Variants in FKBP9 observed in about 807,000 individuals in gnomAD.
The protein encoded by FKBP9 is peptidyl-prolyl cis-trans isomerase FKBP9.
FKBP9 carries 27 observed loss-of-function variants against 55.6 expected under a neutral mutation model. That is an observed-to-expected ratio of 0.49 (90% confidence interval 0.36 to 0.67). FKBP9 has a LOEUF of 0.67. Ranked by LOEUF, FKBP9 falls within the 30% of genes least tolerant of loss-of-function variation. FKBP9 has a pLI of 0.00. For missense variants in FKBP9, 539 were observed against 742.8 expected, an observed-to-expected ratio of 0.73 and a Z score of 3.19; for synonymous variants, 267 against 296.5, an observed-to-expected ratio of 0.90 and a Z score of 1.02.
At chr7:32,961,680 A>G (rs1784027537) in intron 1 of FKBP9, among the ~76,000 whole-genome samples, 1 of 152,060 alleles carries the variant, frequency 6.6e-6, no homozygotes, top group Admixed American at 6.6e-5. Context: ...CTGTATTTAC[A>G]GTGTCTCCGC....
In FKBP9 at chr7:32,975,312, T is replaced by G. The variant is rs1784336640; in HGVS notation, c.498T>G (p.Ser166=). 4 of 1,613,902 alleles carry G rather than the reference T, an allele frequency of 2.5e-6. No individual in the cohort carries two copies. Among genetic ancestry groups the G allele is most frequent in the Non-Finnish European group, 3.4e-6 (4 of 1,179,844 alleles). Residue 166 remains serine (S), a synonymous_variant, in exon 3 of 10, where the codon TCT becomes TCG. Transcript: ENST00000242209. ...PPSCPRTIQV[S]DFVRYHYNGT... Reference sequence around the variant, plus strand: ...GTTGCCCTCGGACCATCCAGGTGTCTGATTTTGTGAGGTACCACTACAACG... The same window carrying G: ...GTTGCCCTCGGACCATCCAGGTGTCGGATTTTGTGAGGTACCACTACAACG...
chr7:32,989,543 G>A (rs997107902), intron 6 of FKBP9, among the ~76,000 whole-genome samples: 9 of 151,876 alleles, frequency 5.9e-5, no homozygotes, highest in Non-Finnish European at 1.2e-4. Context: ...AGCCTCCCAA[G>A]TAGCTGGGAC....
At chr7:32,991,497 GTCT>G (rs767764668) in intron 6 of FKBP9, among the ~76,000 whole-genome samples, 2 of 152,232 alleles carry the variant, frequency 1.3e-5, no homozygotes, top group African/African-American at 2.4e-5. Context: ...TGCTGAAACT[GTCT>G]TCTTAGTGGC....
chr7:32,980,691 T>C (rs1406297280), intron 5 of FKBP9, 138 bp downstream of exon 5: 4 of 1,352,822 alleles, frequency 3.0e-6, no homozygotes, highest in Non-Finnish European at 4.0e-6. Context: ...GTTTCTGTTT[T>C]CTGATACTTA....
At chr7:32,959,393 C>T (rs968321421) in intron 1 of FKBP9, among the ~76,000 whole-genome samples, 6 of 152,242 alleles carry the variant, frequency 3.9e-5, no homozygotes, top group African/African-American at 1.4e-4. Context: ...GACAGGGAGA[C>T]TCCGTCTCAA....
intron 5 of FKBP9, among the ~76,000 whole-genome samples, chr7:32,988,179 G>A (rs1784611930): frequency 6.6e-6 from 1 of 152,146 alleles, no homozygotes; most frequent in Admixed American, 6.5e-5. Flanking sequence ...GTGAGACCTT[G>A]CCTCAGAAAA....
chr7:32,957,717 G>T lies in FKBP9; in HGVS notation c.144G>T (p.Pro48=). ...IERRFVPDEC[P]RTVRSGDFVR... Reference sequence around the variant, plus strand: ...GGCGCTTCGTGCCCGACGAGTGCCCGCGCACCGTGCGCAGCGGCGACTTCG... The same window carrying T: ...GGCGCTTCGTGCCCGACGAGTGCCCTCGCACCGTGCGCAGCGGCGACTTCG... Residue 48 remains proline, a synonymous_variant, in exon 1 of 10, where the codon CCG becomes CCT. Transcript: ENST00000242209. 3 of 1,528,478 alleles carry T rather than the reference G, an allele frequency of 2.0e-6. No homozygotes were observed. Among genetic ancestry groups the T allele is most frequent in the Non-Finnish European group, 1.7e-6 (2 of 1,143,732 alleles). 94.7% of individuals were successfully genotyped at this position (1,528,478 alleles called of 1,614,324 possible). A position where few individuals can be genotyped will look rare whatever the true frequency, so the allele number is the denominator to read the frequency against.
At chr7:32,994,718 TA>T (rs1449128799) in intron 6 of FKBP9, among the ~76,000 whole-genome samples, 1 of 151,808 alleles carries the variant, frequency 6.6e-6, no homozygotes. Context: ...CTCAGGATTT[TA>T]ATGAGAATTA....
chr7:32,984,862 TG>T (rs1166723252), intron 5 of FKBP9, among the ~76,000 whole-genome samples: 3 of 152,214 alleles, frequency 2.0e-5, no homozygotes. Context: ...AGGTGATTTT[TG>T]TTATGAACTA....
At chr7:33,003,449 G>C (rs1263911513) in intron 9 of FKBP9, among the ~76,000 whole-genome samples, 1 of 152,130 alleles carries the variant, frequency 6.6e-6, no homozygotes, top group East Asian at 1.9e-4. Context: ...GGATGTGTCT[G>C]TTTCTTTCAT....
chr7:32,977,098 T>TA (rs1784376642), intron 4 of FKBP9, among the ~76,000 whole-genome samples: 1 of 152,254 alleles, frequency 6.6e-6, no homozygotes, highest in South Asian at 2.1e-4. Context: ...AGTGTAATGT[T>TA]AGAAAACACA....
chr7:32,977,871 A>ATG lies in FKBP9; in HGVS notation c.703+1373_703+1374insGT, dbSNP rs1491571709. Among the ~76,000 whole-genome samples the ATG allele has an allele frequency of 2.7e-3, 140 of 51,546 alleles. 1 individual carries two copies. Among genetic ancestry groups the ATG allele is most frequent in the African/African-American group, 5.7e-3 (123 of 21,408 alleles). 33.8% of individuals were successfully genotyped at this position (51,546 alleles called of 152,430 possible). On this transcript the variant is annotated intron_variant, in intron 4 of 9. Coordinates refer to ENST00000242209, the MANE Select transcript of FKBP9 (RefSeq NM_007270.5). ...CACTCATATATATATATACATGCCC[A>ATG]TATATATATATGTATATATACACTC...
At chr7:32,970,440 C>A (rs1169012064) in intron 1 of FKBP9, among the ~76,000 whole-genome samples, 5 of 151,946 alleles carry the variant, frequency 3.3e-5, no homozygotes, top group Non-Finnish European at 7.4e-5. Context: ...AGGTGATCCG[C>A]CCGCCTTGGC....
At chr7:33,004,417 C>T (rs2893454) in intron 9 of FKBP9, among the ~76,000 whole-genome samples, 1 of 152,172 alleles carries the variant, frequency 6.6e-6, no homozygotes, top group South Asian at 2.1e-4. Flanking sequence ...CACACCTGCC[C>T]CCAGTGCTGT....
In FKBP9 at chr7:32,958,203, A is replaced by C. The variant is rs113289245; in HGVS notation, c.221+409A>C. On this transcript the variant is annotated intron_variant, in intron 1 of 9. Coordinates refer to ENST00000242209, the MANE Select transcript of FKBP9 (RefSeq NM_007270.5). ...TGTTCCTTCCCTCCGCTCCCTTGGG[A>C]ATCTAGTCAGATGGTGCTTCTCACA... 9.5e-3 allele frequency among the ~76,000 whole-genome samples: 1,440 copies of C among 152,316 alleles called. 25 individuals are homozygous for C. Among genetic ancestry groups the C allele is most frequent in the African/African-American group, 0.033 (1,356 of 41,566 alleles).
intron 4 of FKBP9, chr7:32,979,372 T>C: frequency 1.5e-6 from 1 of 668,974 alleles, no homozygotes. Flanking sequence ...AAGATTAATA[T>C]TCTATCTCCC....
In FKBP9 at chr7:32,980,436, G is replaced by C. The variant is rs777707964; in HGVS notation, c.776G>C (p.Ser259Thr). 1 of 1,613,840 alleles carries C rather than the reference G, an allele frequency of 6.2e-7. No individual in the cohort carries two copies. Among genetic ancestry groups the C allele is most frequent in the South Asian group, 1.1e-5 (1 of 91,048 alleles). ...ALLDLHNPKD[S>T]ISIENKVVPE... ...TTGGACCTCCATAACCCCAAGGACA[G>C]CATTTCCATTGAGAACAAGGTAGTA... The change falls in exon 5 of 10, where the codon AGC (serine) becomes ACC (threonine). Residue 259 changes from serine to threonine, a missense_variant. Physicochemically the swap from Ser to Thr is moderately conservative, Grantham distance 58 (BLOSUM62 1). This residue lies in a region of FKBP9 where 172 missense variants were observed against 205.3 expected (regional missense o/e 0.84). Coordinates refer to ENST00000242209, the MANE Select transcript of FKBP9 (RefSeq NM_007270.5).
intron 1 of FKBP9, among the ~76,000 whole-genome samples, chr7:32,969,104 G>A (rs1156641803): frequency 3.3e-5 from 5 of 152,004 alleles, no homozygotes; most frequent in African/African-American, 9.7e-5. Context: ...TTTTGTGGTC[G>A]TTGAGTTTTA....
At chr7:32,962,026 C>T (rs1784036178) in intron 1 of FKBP9, among the ~76,000 whole-genome samples, 2 of 152,030 alleles carry the variant, frequency 1.3e-5, no homozygotes, top group South Asian at 2.1e-4. Flanking sequence ...CCCCCCACCC[C>T]GGTCATGGAA....
Sources: allele counts gnomAD v4.1 joint callset (sites outside exome capture counted in the v4.1 genomes callset), GRCh38; gene constraint gnomAD v4.1.1; regional missense constraint gnomAD v4.1.1; transcripts MANE v1.5; gene names NCBI Gene and HGNC (gene_info 2026-07-23, HGNC 2026-07-21).